The following PDGFC variants were observed in gnomAD, a reference collection of about 807,000 sequenced individuals.
PDGFC encodes the protein platelet-derived growth factor C.
PDGFC carries 12 observed loss-of-function variants against 35.5 expected under a neutral mutation model. The observed-to-expected ratio is 0.34, with a 90% CI of 0.22 to 0.55. The LOEUF is 0.55. Among genes scored for constraint, PDGFC ranks in the 20% least tolerant of loss-of-function variants. The pLI, the probability that PDGFC is intolerant of heterozygous loss-of-function variation, is 0.91. For missense variants in PDGFC, 322 were observed against 412.4 expected (o/e 0.78, Z 1.90); for synonymous variants, 159 against 148.8 (o/e 1.07, Z -0.50).
At chr4:156,942,922 G>T (rs1400976760) in intron 1 of PDGFC, among the ~76,000 whole-genome samples, 1 of 151,998 alleles carries the variant, frequency 6.6e-6, no homozygotes, top group African/African-American at 2.4e-5. Flanking sequence ...ATACCATACA[G>T]ATCTCAGATT....
intron 1 of PDGFC, among the ~76,000 whole-genome samples, chr4:156,892,767 T>C (rs1443989346): frequency 2.0e-5 from 3 of 152,254 alleles, no homozygotes; most frequent in Non-Finnish European, 2.9e-5. Flanking sequence ...TAAATTGAAC[T>C]GCATAAGCAT....
At chr4:156,906,959 G>A (rs535548324) in intron 1 of PDGFC, among the ~76,000 whole-genome samples, 1 of 152,226 alleles carries the variant, frequency 6.6e-6, no homozygotes, top group African/African-American at 2.4e-5. Context: ...AACTAACATG[G>A]ATGCAGCCAA....
At chr4:156,770,667 A>C (rs1349563595) in intron 4 of PDGFC, 1 of 152,084 alleles carries the variant, frequency 6.6e-6, no homozygotes, top group Non-Finnish European at 1.5e-5. Context: ...TACAGGTATT[A>C]GTTTGTTTTT....
intron 5 of PDGFC, among the ~76,000 whole-genome samples, chr4:156,765,945 T>G (rs1045367242): frequency 6.6e-6 from 1 of 152,106 alleles, no homozygotes. Flanking sequence ...CAATAAAGTA[T>G]GAGGGTTGGA....
intron 2 of PDGFC, among the ~76,000 whole-genome samples, chr4:156,827,462 CGCAA>C (rs1728805598): frequency 6.6e-6 from 1 of 151,102 alleles, no homozygotes; most frequent in Non-Finnish European, 1.5e-5. Context: ...CTTCGACAAA[CGCAA>C]GCAAATGAGC....
intron 1 of PDGFC, among the ~76,000 whole-genome samples, chr4:156,868,175 T>C (rs1449438824): frequency 1.3e-5 from 2 of 152,200 alleles, no homozygotes; most frequent in Non-Finnish European, 2.9e-5. Flanking sequence ...TAAATACTTT[T>C]TGACAAAAAA....
At chr4:156,780,315 TC>T (rs1730944424) in intron 3 of PDGFC, among the ~76,000 whole-genome samples, 1 of 152,012 alleles carries the variant, frequency 6.6e-6, no homozygotes, top group Admixed American at 6.6e-5. Flanking sequence ...GTGATGAACT[TC>T]CAATGAAAGA....
rs867729242 is a variant in PDGFC, at chr4:156,895,781, T to C, written c.119-45365A>G. Among the ~76,000 whole-genome samples the C allele has an allele frequency of 2.6e-5, 4 of 151,956 alleles. No homozygotes were observed. In the South Asian group the frequency reaches 6.2e-4, roughly 24 times the overall value. On this transcript the variant is annotated intron_variant, in intron 1 of 5. Transcript: ENST00000502773. Reference sequence around the variant, plus strand: ...ATACATAAGTGGTTTTAAACAAAAATATGAGACACGGGTCACACAGGAAAA... The same window carrying C: ...ATACATAAGTGGTTTTAAACAAAAACATGAGACACGGGTCACACAGGAAAA...
At chr4:156,912,108 G>A (rs992730578) in intron 1 of PDGFC, among the ~76,000 whole-genome samples, 6 of 152,112 alleles carry the variant, frequency 3.9e-5, no homozygotes, top group African/African-American at 1.4e-4. Context: ...CTTACACGAT[G>A]ATTTTTTTCT....
At chr4:156,869,388 A>T (rs1419642120) in intron 1 of PDGFC, among the ~76,000 whole-genome samples, 2 of 151,886 alleles carry the variant, frequency 1.3e-5, no homozygotes, top group Non-Finnish European at 2.9e-5. Flanking sequence ...GTGAGCCCAG[A>T]TTGCGCCACT....
At chr4:156,852,848 T>TAA (rs1389463061) in intron 1 of PDGFC, among the ~76,000 whole-genome samples, 1 of 152,178 alleles carries the variant, frequency 6.6e-6, no homozygotes, top group African/African-American at 2.4e-5. Flanking sequence ...GGGAAGCCTC[T>TAA]AGAAGCTGAG....
At chr4:156,843,547 C>A (rs1484582668) in intron 2 of PDGFC, among the ~76,000 whole-genome samples, 1 of 152,188 alleles carries the variant, frequency 6.6e-6, no homozygotes, top group Non-Finnish European at 1.5e-5. Flanking sequence ...ACCATAGCAT[C>A]TTCCACAACA....
intron 5 of PDGFC, 128 bp from the exon 6 acceptor site, chr4:156,763,334 G>A: frequency 5.3e-6 from 2 of 377,910 alleles, no homozygotes; most frequent in African/African-American, 2.4e-5. Flanking sequence ...ATTTTTCCTA[G>A]AGCACGCATT....
chr4:156,893,458 T>C (rs1730560942), intron 1 of PDGFC, among the ~76,000 whole-genome samples: 1 of 151,972 alleles, frequency 6.6e-6, no homozygotes, highest in African/African-American at 2.4e-5. Context: ...TCTTGAGCAG[T>C]TGGGACTATA....
At chr4:156,846,338 C>T (rs1029002863) in intron 2 of PDGFC, among the ~76,000 whole-genome samples, 3 of 151,730 alleles carry the variant, frequency 2.0e-5, no homozygotes, top group Non-Finnish European at 4.4e-5. Context: ...AAAGAGCATT[C>T]TGGCCAATAT....
rs943734479 is a variant in PDGFC, at chr4:156,760,508, T to C, written c.*2582A>G. 6.6e-6 allele frequency: 1 copy of C among 152,208 alleles called. No homozygotes were observed. The highest frequency in any genetic ancestry group is 2.4e-5 in the African/African-American group (1 of 41,462). 9.4% of individuals were successfully genotyped at this position (152,208 alleles called of 1,614,324 possible). A position where few individuals can be genotyped will look rare whatever the true frequency, so the allele number is the denominator to read the frequency against. ...AAACATCACTGGGCAAAACAGCCCATGTCTCAAGGACAAAGGCTTGAAACA... is the reference window on the plus strand; with the variant it reads ...AAACATCACTGGGCAAAACAGCCCACGTCTCAAGGACAAAGGCTTGAAACA... On this transcript the variant is annotated 3_prime_UTR_variant, in exon 6 of 6. Transcript: ENST00000502773.
chr4:156,947,994 C>G (rs544151727), intron 1 of PDGFC, among the ~76,000 whole-genome samples: 1 of 151,980 alleles, frequency 6.6e-6, no homozygotes, highest in Admixed American at 6.6e-5. Flanking sequence ...TAGCAAGTCT[C>G]TACGGTCTAC....
chr4:156,944,714 C>T (rs1355512016), intron 1 of PDGFC, among the ~76,000 whole-genome samples: 1 of 152,178 alleles, frequency 6.6e-6, no homozygotes, highest in East Asian at 1.9e-4. Context: ...CAACAGCTCT[C>T]ATTTCAGAAT....
chr4:156,787,397 T>A (rs1731157640), intron 3 of PDGFC, among the ~76,000 whole-genome samples: 1 of 152,192 alleles, frequency 6.6e-6, no homozygotes, highest in South Asian at 2.1e-4. Context: ...CAATACGTCA[T>A]CATGGAGTAC....
Sources: gnomAD v4.1 joint callset for allele counts (sites outside exome capture counted in the v4.1 genomes callset) on GRCh38, gnomAD v4.1.1 for gene constraint, MANE v1.5 for transcripts, NCBI Gene and HGNC (gene_info 2026-07-23, HGNC 2026-07-21) for gene names.